Variants in CAMTA1 observed in about 807,000 individuals in gnomAD.
The protein encoded by CAMTA1 is calmodulin-binding transcription activator 1.
CAMTA1 carries 27 observed loss-of-function variants against 170.9 expected under a neutral mutation model. The ratio of observed to expected loss-of-function variants is 0.16; its 90% confidence interval spans 0.12 to 0.22. The LOEUF (loss-of-function observed/expected upper bound fraction) is 0.22, where lower values mean the gene tolerates loss of function less well. Ranked by LOEUF, CAMTA1 falls within the 10% of genes least tolerant of loss-of-function variation. The pLI is 1.00. For synonymous variants in CAMTA1, 833 were observed against 891.5 expected, an observed-to-expected ratio of 0.93 and a Z score of 1.17; for missense variants, 1,619 against 2,217.2, an observed-to-expected ratio of 0.73 and a Z score of 5.42.
At chr1:6,852,393 C>T (rs1660740347) in intron 3 of CAMTA1, among the ~76,000 whole-genome samples, 1 of 152,158 alleles carries the variant, frequency 6.6e-6, no homozygotes. Flanking sequence ...TGGATACTAA[C>T]TGCCTGGAAT....
chr1:7,073,247 A>G (rs1483119685), intron 3 of CAMTA1, among the ~76,000 whole-genome samples: 1 of 152,168 alleles, frequency 6.6e-6, no homozygotes, highest in Non-Finnish European at 1.5e-5. Flanking sequence ...AGCTACAGAA[A>G]GAAGGGGTGT....
At chr1:7,110,794 G>C (rs890425211) in intron 4 of CAMTA1, among the ~76,000 whole-genome samples, 3 of 152,210 alleles carry the variant, frequency 2.0e-5, no homozygotes, top group Admixed American at 6.5e-5. Context: ...AGCCCCCAGG[G>C]CCTCCCAGTT....
intron 4 of CAMTA1, among the ~76,000 whole-genome samples, chr1:7,166,435 A>G (rs1271765490): frequency 6.6e-6 from 1 of 152,204 alleles, no homozygotes; most frequent in Non-Finnish European, 1.5e-5. Context: ...TTCAGCGATT[A>G]TCATTGCTGT....
At chr1:7,441,295 GAAA>G (rs2092526586) in intron 5 of CAMTA1, 1 of 152,256 alleles carries the variant, frequency 6.6e-6, no homozygotes, top group South Asian at 2.1e-4. Flanking sequence ...ATGCTTGACT[GAAA>G]AACTACCATA....
intron 4 of CAMTA1, among the ~76,000 whole-genome samples, chr1:7,198,558 C>T (rs1167853642): frequency 6.6e-6 from 1 of 152,076 alleles, no homozygotes; most frequent in Admixed American, 6.5e-5. Flanking sequence ...ACCCCCAGGA[C>T]CTCTCTGGGT....
chr1:6,795,851 A>G lies in CAMTA1; in HGVS notation c.45+10276A>G, dbSNP rs115303775. 3.1e-3 allele frequency among the ~76,000 whole-genome samples: 469 copies of G among 152,316 alleles called. 3 individuals are homozygous for G. The highest frequency in any genetic ancestry group is 0.011 in the African/African-American group (448 of 41,554). ...TGAGCTGACTTCTGGCACATGCACA[A>G]ATCAGTTTACCATTAGTCAGCCCAT... On this transcript the variant is annotated intron_variant, in intron 1 of 22. Coordinates refer to ENST00000303635, the MANE Select transcript of CAMTA1 (RefSeq NM_015215.4).
intron 3 of CAMTA1, among the ~76,000 whole-genome samples, chr1:6,905,117 C>T (rs917867431): frequency 2.6e-5 from 4 of 151,562 alleles, no homozygotes; most frequent in Admixed American, 2.6e-4. Flanking sequence ...CTCCCATCTT[C>T]TCCATCTCCA....
At chr1:7,213,235 G>A (rs895781506) in intron 4 of CAMTA1, among the ~76,000 whole-genome samples, 9 of 152,128 alleles carry the variant, frequency 5.9e-5, no homozygotes, top group African/African-American at 1.7e-4. Context: ...AGCAATGTAC[G>A]GATGACCCCA....
chr1:6,989,861 A>T (rs1445100462), intron 3 of CAMTA1, among the ~76,000 whole-genome samples: 1 of 151,396 alleles, frequency 6.6e-6, no homozygotes, highest in African/African-American at 2.5e-5. Context: ...GCCATTATTT[A>T]CTGACCTTGG....
intron 4 of CAMTA1, among the ~76,000 whole-genome samples, chr1:7,235,317 C>T (rs1663616683): frequency 6.6e-6 from 1 of 152,156 alleles, no homozygotes; most frequent in Non-Finnish European, 1.5e-5. Context: ...GTGCCATTGG[C>T]TATCCTTGCT....
intron 5 of CAMTA1, among the ~76,000 whole-genome samples, chr1:7,358,307 T>C (rs1338866017): frequency 3.3e-5 from 5 of 152,218 alleles, no homozygotes; most frequent in Non-Finnish European, 5.9e-5. Context: ...ATTTGCCTAT[T>C]ATCTAGAAGT....
intron 6 of CAMTA1, among the ~76,000 whole-genome samples, chr1:7,495,326 C>A (rs1406073579): frequency 1.3e-5 from 2 of 152,094 alleles, no homozygotes; most frequent in East Asian, 3.9e-4. Flanking sequence ...TCATTTGATT[C>A]CCGCAGCTGT....
intron 3 of CAMTA1, among the ~76,000 whole-genome samples, chr1:7,089,986 T>C (rs1413285218): frequency 6.6e-6 from 1 of 152,226 alleles, no homozygotes; most frequent in Non-Finnish European, 1.5e-5. Flanking sequence ...CAGTCAGTGA[T>C]AGAAACTTGC....
chr1:7,036,881 GTC>G (rs1402000120), intron 3 of CAMTA1, among the ~76,000 whole-genome samples: 1 of 152,222 alleles, frequency 6.6e-6, no homozygotes, highest in Non-Finnish European at 1.5e-5. Flanking sequence ...ATTTGCAGAG[GTC>G]TCTCTTCGTG....
intron 6 of CAMTA1, among the ~76,000 whole-genome samples, chr1:7,469,067 C>G (rs750425350): frequency 3.3e-5 from 5 of 152,212 alleles, no homozygotes; most frequent in Non-Finnish European, 5.9e-5. Context: ...CCTTTCCATT[C>G]TCCCTCAGTT....
intron 7 of CAMTA1, among the ~76,000 whole-genome samples, chr1:7,650,795 A>C (rs554188143): frequency 6.6e-6 from 1 of 152,212 alleles, no homozygotes; most frequent in Non-Finnish European, 1.5e-5. Flanking sequence ...GGGAAATTGA[A>C]TAGTATGTGG....
intron 4 of CAMTA1, among the ~76,000 whole-genome samples, chr1:7,095,238 C>A (rs1199269762): frequency 6.6e-6 from 1 of 152,180 alleles, no homozygotes; most frequent in African/African-American, 2.4e-5. Context: ...TGGGGCACCC[C>A]CAGCTCCTAG....
rs377315278 is a variant in CAMTA1, at chr1:7,143,352, A to G, written c.302+51981A>G. On this transcript the variant is annotated intron_variant, in intron 4 of 22. Coordinates refer to ENST00000303635, the MANE Select transcript of CAMTA1 (RefSeq NM_015215.4). ...CTTATCCTCAAGTATTAGTCACTGC[A>G]AGAAGCAAAAACCTTCCTTGAGACA... Among the ~76,000 whole-genome samples, 10 of 152,348 alleles carry G rather than the reference A, an allele frequency of 6.6e-5. No individual in the cohort carries two copies. The East Asian group carries it at 1.9e-3, about 29-fold the overall frequency.
At chr1:7,136,288 T>A (rs112622693) in intron 4 of CAMTA1, among the ~76,000 whole-genome samples, 3,866 of 152,276 alleles carry the variant, frequency 0.025, 181 homozygotes, top group African/African-American at 0.088. Context: ...TGCCCACCCC[T>A]CTGTGTCTGC....
Sources: allele counts gnomAD v4.1 joint callset (sites outside exome capture counted in the v4.1 genomes callset), GRCh38; gene constraint gnomAD v4.1.1; transcripts MANE v1.5; gene names NCBI Gene and HGNC (gene_info 2026-07-23, HGNC 2026-07-21).